PRKAR1B: variants seen among roughly 807,000 people sequenced by gnomAD.
The protein encoded by PRKAR1B is protein kinase cAMP-dependent type I regulatory subunit beta, also known as cAMP-dependent protein kinase type I-beta regulatory subunit.
In PRKAR1B, 22 loss-of-function variants were observed where a neutral mutation model predicts 46.5. The observed-to-expected ratio is 0.47, with a 90% CI of 0.34 to 0.68. The LOEUF is 0.68. Among genes scored for constraint, PRKAR1B ranks in the 30% least tolerant of loss-of-function variants. The probability of loss-of-function intolerance (pLI) is 0.01; values close to 1 mark genes in which losing one functional copy is unlikely to be tolerated. For synonymous variants in PRKAR1B, 259 were observed against 217.7 expected (o/e 1.19, Z -1.67); for missense variants, 445 against 535.6 (o/e 0.83, Z 1.67).
chr7:633,786 C>T (rs528111563), intron 4 of PRKAR1B, among the ~76,000 whole-genome samples: 6 of 152,088 alleles, frequency 3.9e-5, no homozygotes, highest in African/African-American at 1.4e-4. Context: ...AGGGGAGCAG[C>T]GAGGACACAG....
chr7:614,971 G>A (rs941983788), intron 4 of PRKAR1B, among the ~76,000 whole-genome samples: 2 of 152,128 alleles, frequency 1.3e-5, no homozygotes, highest in Non-Finnish European at 2.9e-5. Context: ...CAGCTACTCG[G>A]GAGGCTGAGG....
At chr7:693,694 G>A (rs187990219) in intron 2 of PRKAR1B, among the ~76,000 whole-genome samples, 37 of 152,258 alleles carry the variant, frequency 2.4e-4, no homozygotes, top group Admixed American at 2.4e-3. Flanking sequence ...TGTAAGCAGT[G>A]CTGCTCCAAA....
intron 9 of PRKAR1B, among the ~76,000 whole-genome samples, chr7:558,105 G>C (rs1408120020): frequency 1.3e-5 from 2 of 151,676 alleles, no homozygotes; most frequent in East Asian, 3.9e-4. Context: ...CTTGAGGCCA[G>C]AAGTTTGAGA....
chr7:613,331 G>A (rs572874689), intron 4 of PRKAR1B, among the ~76,000 whole-genome samples: 33 of 151,042 alleles, frequency 2.2e-4, no homozygotes, highest in South Asian at 4.2e-4. Flanking sequence ...AAATGAGGCC[G>A]TTCATCATTG....
intron 2 of PRKAR1B, among the ~76,000 whole-genome samples, chr7:690,687 C>T (rs1307849447): frequency 2.6e-5 from 4 of 152,176 alleles, no homozygotes; most frequent in Non-Finnish European, 5.9e-5. Context: ...AATAACAAGT[C>T]CCAGAAGGAA....
chr7:668,590 C>T (rs1477288894), intron 4 of PRKAR1B, among the ~76,000 whole-genome samples: 1 of 152,178 alleles, frequency 6.6e-6, no homozygotes, highest in Admixed American at 6.5e-5. Context: ...TTTAAGCCAA[C>T]CATCTGCTTC....
chr7:723,349 TTC>T (rs1781138717), intron 1 of PRKAR1B, among the ~76,000 whole-genome samples: 1 of 152,128 alleles, frequency 6.6e-6, no homozygotes, highest in Non-Finnish European at 1.5e-5. Flanking sequence ...CTTGGAGAAT[TTC>T]TGTCTGTGCC....
intron 9 of PRKAR1B, among the ~76,000 whole-genome samples, chr7:563,915 G>A (rs976553237): frequency 1.3e-5 from 2 of 151,946 alleles, no homozygotes; most frequent in Non-Finnish European, 2.9e-5. Flanking sequence ...GTGTGCATGG[G>A]TGAGTATGTG....
At chr7:703,595 G>A (rs1312212781) in intron 2 of PRKAR1B, among the ~76,000 whole-genome samples, 1 of 151,642 alleles carries the variant, frequency 6.6e-6, no homozygotes, top group Non-Finnish European at 1.5e-5. Context: ...GGTGGAGCTT[G>A]GAGTGAGCCG....
chr7:703,855 C>T (rs559540498), intron 2 of PRKAR1B, among the ~76,000 whole-genome samples: 1 of 151,942 alleles, frequency 6.6e-6, no homozygotes, highest in South Asian at 2.1e-4. Flanking sequence ...GATTCAAAAC[C>T]ATATAAGCTA....
chr7:574,447 AT>A (rs71546451), intron 9 of PRKAR1B, among the ~76,000 whole-genome samples: 500 of 145,344 alleles, frequency 3.4e-3, no homozygotes, highest in East Asian at 0.015. Flanking sequence ...ACAGATCCAG[AT>A]TTTTTTTTTT....
intron 4 of PRKAR1B, among the ~76,000 whole-genome samples, chr7:632,843 G>A (rs1043707084): frequency 1.2e-5 from 1 of 86,528 alleles, no homozygotes; most frequent in Non-Finnish European, 2.5e-5. Flanking sequence ...ACGGGGCTGT[G>A]TGCCCAGCCA....
At chr7:580,936 G>A (rs1245786522) in intron 8 of PRKAR1B, among the ~76,000 whole-genome samples, 3 of 152,062 alleles carry the variant, frequency 2.0e-5, no homozygotes, top group South Asian at 4.1e-4. Context: ...CCCCAGGGCC[G>A]GGCAGATTCT....
chr7:713,076 C>T (rs1780744451), intron 1 of PRKAR1B: 2 of 152,396 alleles, frequency 1.3e-5, no homozygotes, highest in African/African-American at 4.8e-5. Flanking sequence ...ATCCAGAGGT[C>T]ACGGAGGCCT....
chr7:699,830 G>C (rs914332189), intron 2 of PRKAR1B, among the ~76,000 whole-genome samples: 3 of 152,186 alleles, frequency 2.0e-5, no homozygotes, highest in African/African-American at 7.2e-5. Flanking sequence ...GCACTGGAAA[G>C]GTTTGGGAAG....
At chr7:670,841 C>T (rs1222275151) in intron 4 of PRKAR1B, among the ~76,000 whole-genome samples, 10 of 114,186 alleles carry the variant, frequency 8.8e-5, no homozygotes, top group South Asian at 3.1e-4. Context: ...AGCGGGGCTC[C>T]GGACCGAGGA....
chr7:675,234 T>C (rs568285708), intron 4 of PRKAR1B, among the ~76,000 whole-genome samples: 15 of 152,352 alleles, frequency 9.8e-5, no homozygotes, highest in African/African-American at 3.6e-4. Context: ...TCTGTACTTA[T>C]ATGGAAGGAC....
In PRKAR1B at chr7:557,036, C is replaced by T. The variant is rs530469959; in HGVS notation, c.892-5566G>A. ...CTCCTGAGCTGCAGAGAACCAGGTG[C>T]GGCCCCTCCCACCCCCGGCCTGGGC... On this transcript the variant is annotated intron_variant, in intron 9 of 10. Coordinates refer to ENST00000537384, the MANE Select transcript of PRKAR1B (RefSeq NM_001164760.2). Among the ~76,000 whole-genome samples the T allele has an allele frequency of 1.1e-4, 16 of 152,336 alleles. No individual in the cohort carries two copies. In the East Asian group the frequency reaches 2.3e-3, roughly 22 times the overall value.
intron 9 of PRKAR1B, among the ~76,000 whole-genome samples, chr7:563,522 T>A (rs1024919032): frequency 2.0e-5 from 3 of 152,244 alleles, no homozygotes; most frequent in Non-Finnish European, 4.4e-5. Context: ...CTCTGCAACC[T>A]CTGCACGCTG....
Sources: gnomAD v4.1 joint callset for allele counts (sites outside exome capture counted in the v4.1 genomes callset) on GRCh38, gnomAD v4.1.1 for gene constraint, MANE v1.5 for transcripts, NCBI Gene and HGNC (gene_info 2026-07-23, HGNC 2026-07-21) for gene names.